The following RTL4 variants were observed in gnomAD, a reference collection of about 807,000 sequenced individuals.
RTL4 encodes retrotransposon Gag like 4.
RTL4 carries 4 observed loss-of-function variants against 5.3 expected under a neutral mutation model. The observed-to-expected ratio is 0.75, with a 90% CI of 0.37 to 1.72. RTL4 has a LOEUF of 1.72. Ranked by LOEUF, RTL4 falls within the 40% of genes most tolerant of loss-of-function variation. The pLI is 0.04. For synonymous variants in RTL4, 98 were observed against 87.3 expected (o/e 1.12, Z -0.68); for missense variants, 260 against 227.1 (o/e 1.14, Z -0.93).
chrX:112,303,870 A>G, the RTL4 span, among the ~76,000 whole-genome samples: 4,997 of 110,720 alleles, frequency 0.045, 281 homozygotes, highest in African/African-American at 0.16. Flanking sequence ...TACTTTTTAT[A>G]TTTGAATATA....
chrX:112,421,710 A>G, the RTL4 span, among the ~76,000 whole-genome samples: 11 of 112,132 alleles, frequency 9.8e-5, no homozygotes, highest in African/African-American at 3.6e-4. Flanking sequence ...ACACACCATC[A>G]TTCTTGTGTA....
chrX:112,331,649 C>G, the RTL4 span, among the ~76,000 whole-genome samples: 1 of 107,571 alleles, frequency 9.3e-6, no homozygotes, highest in East Asian at 2.9e-4. Flanking sequence ...CCAGCCATGC[C>G]ATTACTGGGT....
chrX:112,437,152 G>C, the RTL4 span, among the ~76,000 whole-genome samples: 1 of 111,548 alleles, frequency 9.0e-6, no homozygotes, highest in Non-Finnish European at 1.9e-5. Context: ...GTCACGACTT[G>C]GCAGACAATA....
the RTL4 span, among the ~76,000 whole-genome samples, chrX:112,190,682 A>T: frequency 8.9e-6 from 1 of 112,157 alleles, no homozygotes; most frequent in South Asian, 3.7e-4. Flanking sequence ...GTCTTCTCTC[A>T]TCAGGAGCCA....
the RTL4 span, among the ~76,000 whole-genome samples, chrX:112,332,582 C>G: frequency 9.6e-6 from 1 of 104,290 alleles, no homozygotes; most frequent in African/African-American, 3.5e-5. Flanking sequence ...ATCGCAAGGA[C>G]AAAAAACCAA....
At chrX:112,393,808 C>T in the RTL4 span, among the ~76,000 whole-genome samples, 1 of 111,787 alleles carries the variant, frequency 8.9e-6, no homozygotes, top group Admixed American at 9.4e-5. Flanking sequence ...TGGGGTGTCA[C>T]GGAAGCTGAG....
chrX:112,316,970 T>A, the RTL4 span, among the ~76,000 whole-genome samples: 3 of 112,084 alleles, frequency 2.7e-5, no homozygotes, highest in African/African-American at 9.7e-5. Context: ...TAATATAACA[T>A]TATGATCTGA....
At chrX:112,172,394 G>GA in the RTL4 span, among the ~76,000 whole-genome samples, 17 of 110,965 alleles carry the variant, frequency 1.5e-4, no homozygotes, top group African/African-American at 2.9e-4. Flanking sequence ...GCAAACATAT[G>GA]AAAAAAAACC....
At chrX:112,252,238 G>A in the RTL4 span, among the ~76,000 whole-genome samples, 3 of 112,006 alleles carry the variant, frequency 2.7e-5, no homozygotes, top group African/African-American at 6.5e-5. Flanking sequence ...AAAAGTAAGC[G>A]ATTGAAAAAA....
chrX:112,238,766 A>T, the RTL4 span, among the ~76,000 whole-genome samples: 3 of 111,649 alleles, frequency 2.7e-5, no homozygotes, highest in East Asian at 8.5e-4. Context: ...AGGCACAGAC[A>T]AAAAGCTCCA....
the RTL4 span, among the ~76,000 whole-genome samples, chrX:112,285,973 G>T: frequency 9.0e-6 from 1 of 111,668 alleles, no homozygotes; most frequent in Non-Finnish European, 1.9e-5. Flanking sequence ...CATTTTATTG[G>T]TGGGGAGTAA....
chrX:112,298,149 G>A, the RTL4 span, among the ~76,000 whole-genome samples: 1 of 111,465 alleles, frequency 9.0e-6, no homozygotes, highest in Non-Finnish European at 1.9e-5. Context: ...ATCTGGGCAT[G>A]AGTTTCCCCA....
chrX:112,411,838 C>T, the RTL4 span, among the ~76,000 whole-genome samples: 7 of 109,848 alleles, frequency 6.4e-5, no homozygotes, highest in South Asian at 3.9e-4. Context: ...AACATAGTAC[C>T]GGAACTCCTA....
the RTL4 span, among the ~76,000 whole-genome samples, chrX:112,285,877 T>G: frequency 2.1e-4 from 24 of 111,721 alleles, no homozygotes; most frequent in African/African-American, 7.5e-4. Context: ...TCTTCACCCA[T>G]GCCTGCTCCT....
the RTL4 span, among the ~76,000 whole-genome samples, chrX:112,430,781 T>C: frequency 1.8e-5 from 2 of 111,486 alleles, no homozygotes; most frequent in African/African-American, 6.5e-5. Context: ...TTTGTAGCGA[T>C]GGAGTTTCAC....
the RTL4 span, among the ~76,000 whole-genome samples, chrX:112,212,381 A>T: frequency 1.8e-5 from 2 of 112,463 alleles, no homozygotes; most frequent in East Asian, 2.8e-4. Flanking sequence ...GTCTCAAAAA[A>T]AAAATAAAAT....
the RTL4 span, among the ~76,000 whole-genome samples, chrX:112,306,568 C>T: frequency 9.0e-6 from 1 of 111,395 alleles, no homozygotes; most frequent in Admixed American, 9.6e-5. Flanking sequence ...GACTCCAGAG[C>T]TCTTAACTAG....
the RTL4 span, among the ~76,000 whole-genome samples, chrX:112,282,966 C>G: frequency 7.2e-5 from 8 of 111,051 alleles, no homozygotes; most frequent in East Asian, 2.0e-3. Flanking sequence ...GGAATAATAA[C>G]TTTGTTGGGG....
chrX:112,122,387 T>C, the RTL4 span, among the ~76,000 whole-genome samples: 2 of 110,478 alleles, frequency 1.8e-5, no homozygotes, highest in Admixed American at 9.7e-5. Flanking sequence ...ATTAAAACAA[T>C]TGAACTCATG....
Sources: allele counts gnomAD v4.1 joint callset (sites outside exome capture counted in the v4.1 genomes callset), GRCh38; gene constraint gnomAD v4.1.1; transcripts MANE v1.5; gene names NCBI Gene and HGNC (gene_info 2026-07-23, HGNC 2026-07-21).